ZNF692: variants seen among roughly 807,000 people sequenced by gnomAD.
ZNF692 encodes zinc finger protein 692.
Under a neutral mutation model 49.0 loss-of-function variants are expected in ZNF692, and 41 were observed. The ratio of observed to expected loss-of-function variants is 0.84; its 90% CI spans 0.65 to 1.08. ZNF692 has a LOEUF of 1.08. Among genes scored for constraint, ZNF692 ranks in the 50% least tolerant of loss-of-function variants. The pLI is 0.00. For synonymous variants in ZNF692, 288 were observed against 251.5 expected (o/e 1.15, Z -1.37); for missense variants, 662 against 662.2 (o/e 1.00, Z 0.00).
At chr1:248,855,133 C>G (rs1004296682) in intron 9 of ZNF692, among the ~76,000 whole-genome samples, 3 of 152,198 alleles carry the variant, frequency 2.0e-5, no homozygotes, top group Non-Finnish European at 4.4e-5. Flanking sequence ...GGCTCAGAAC[C>G]CTAGCACTAA....
intron 10 of ZNF692, among the ~76,000 whole-genome samples, chr1:248,852,030 C>T (rs1286227203): frequency 1.3e-5 from 2 of 152,152 alleles, no homozygotes; most frequent in African/African-American, 4.8e-5. Flanking sequence ...TGGTTAAAGC[C>T]CAACTCAGGA....
At chr1:248,854,741 T>C (rs1251884382) in intron 9 of ZNF692, among the ~76,000 whole-genome samples, 1 of 152,212 alleles carries the variant, frequency 6.6e-6, no homozygotes, top group Admixed American at 6.5e-5. Flanking sequence ...CAGGGGCTGC[T>C]TTGATCTTCT....
intron 3 of ZNF692, 27 bp downstream of exon 3, chr1:248,857,801 T>G: frequency 6.2e-7 from 1 of 1,612,416 alleles, no homozygotes; most frequent in Non-Finnish European, 8.5e-7. Context: ...TCCCTCTGGC[T>G]CTCACCCCCT....
At chr1:248,855,349 AG>A in intron 9 of ZNF692, 30 bp downstream of exon 9, 1 of 1,611,122 alleles carries the variant, frequency 6.2e-7, no homozygotes, top group Non-Finnish European at 8.5e-7. Flanking sequence ...CCACCCCAGC[AG>A]CCACACAGGC....
intron 10 of ZNF692, among the ~76,000 whole-genome samples, chr1:248,852,530 G>T (rs1387457168): frequency 6.6e-6 from 1 of 152,048 alleles, no homozygotes; most frequent in East Asian, 1.9e-4. Context: ...CCTTCCAGCT[G>T]GGACTCCATT....
At chr1:248,851,063 C>T (rs1244571048) in intron 10 of ZNF692, 1 of 583,534 alleles carries the variant, frequency 1.7e-6, no homozygotes, top group African/African-American at 1.8e-5. Context: ...GATGGAAGTG[C>T]ACCACCCCAC....
chr1:248,851,807 A>T (rs1051908509), intron 10 of ZNF692, among the ~76,000 whole-genome samples: 3 of 152,172 alleles, frequency 2.0e-5, no homozygotes, highest in Admixed American at 6.5e-5. Context: ...GAAAAAAAAG[A>T]AATTGTGATT....
chr1:248,858,074 G>C lies in ZNF692; in HGVS notation c.179+57C>G, dbSNP rs761493932. On this transcript the variant is annotated intron_variant, in intron 2 of 11. Coordinates refer to ENST00000306601, the MANE Select transcript of ZNF692 (RefSeq NM_017865.4). The surrounding 1 kb of genome is among the most constrained non-coding windows in gnomAD (Gnocchi z 4.3). Reference sequence around the variant, plus strand: ...GAGCAGCAGGACAGGCCCTGGAGAGGAGGCTAGGGGCTGCTGCCTGGGTAC... The same window carrying C: ...GAGCAGCAGGACAGGCCCTGGAGAGCAGGCTAGGGGCTGCTGCCTGGGTAC... The C allele has an allele frequency of 1.3e-6, 2 of 1,549,968 alleles. No individual in the cohort carries two copies. Among genetic ancestry groups the C allele is most frequent in the Non-Finnish European group, 1.7e-6 (2 of 1,152,366 alleles).
chr1:248,855,632 A>G lies in ZNF692; in HGVS notation c.885T>C (p.Thr295=), dbSNP rs1209994800. The stretch of plus-strand genomic sequence containing the variant: ...TTGGAGCAGACTGGGCCTGACTCCC[A>G]GTGCTACGGGCAGCAAAGAGGGAGC... The part of the protein sequence containing the change: ...AAQQTEALAS[T]GSQAQSAPTP... Residue 295 remains threonine (T), a synonymous_variant, in exon 8 of 12, where the codon ACT becomes ACC. Coordinates refer to ENST00000306601, the MANE Select transcript of ZNF692 (RefSeq NM_017865.4). 5.6e-6 allele frequency: 9 copies of G among 1,614,058 alleles called. No homozygotes were observed. Among genetic ancestry groups the G allele is most frequent in the Non-Finnish European group, 7.6e-6 (9 of 1,180,038 alleles).
intron 6 of ZNF692, 144 bp from the exon 7 acceptor site, chr1:248,856,090 C>T (rs1396009028): frequency 8.4e-7 from 1 of 1,192,816 alleles, no homozygotes; most frequent in Non-Finnish European, 1.2e-6. Context: ...TATCTGCTTT[C>T]AGCCCTCAAT....
intron 10 of ZNF692, among the ~76,000 whole-genome samples, chr1:248,852,198 T>C (rs1659679075): frequency 6.6e-6 from 1 of 152,164 alleles, no homozygotes; most frequent in South Asian, 2.1e-4. Context: ...TTTCCAACTT[T>C]CTAGAAATAC....
chr1:248,858,598 T>C lies in ZNF692; in HGVS notation c.-12-277A>G, dbSNP rs370660611. On this transcript the variant is annotated intron_variant, in intron 1 of 11. Transcript: ENST00000306601. The surrounding 1 kb of genome is among the most constrained non-coding windows in gnomAD (Gnocchi z 4.3). ...CCTCCAGTCCACTGAAGTGGAGCTG[T>C]GGGGAAGGGGCGAGAGACTTTCACG... 7.8e-6 allele frequency: 12 copies of C among 1,533,080 alleles called. No homozygotes were observed. The East Asian group carries it at 1.5e-4, about 19-fold the overall frequency. The allele number at this position is 1,533,080 out of a possible 1,614,324, so 95.0% of individuals were successfully genotyped here. A position where few individuals can be genotyped will look rare whatever the true frequency, so the allele number is the denominator to read the frequency against.
At chr1:248,851,439 T>C (rs749855121) in intron 10 of ZNF692, among the ~76,000 whole-genome samples, 59 of 152,142 alleles carry the variant, frequency 3.9e-4, no homozygotes, top group South Asian at 2.1e-4. Flanking sequence ...GTGGTTTCTC[T>C]AACCCACCAA....
chr1:248,858,590 T>A lies in ZNF692; in HGVS notation c.-12-269A>T, dbSNP rs778742628. 3.2e-6 allele frequency: 5 copies of A among 1,543,382 alleles called. No homozygotes were observed. Among genetic ancestry groups the A allele is most frequent in the Non-Finnish European group, 4.4e-6 (5 of 1,139,752 alleles). ...GCCTGCGCCCTCCAGTCCACTGAAG[T>A]GGAGCTGTGGGGAAGGGGCGAGAGA... On this transcript the variant is annotated intron_variant, in intron 1 of 11. Coordinates refer to ENST00000306601, the MANE Select transcript of ZNF692 (RefSeq NM_017865.4). The surrounding 1 kb of genome is among the most constrained non-coding windows in gnomAD (Gnocchi z 4.3).
At chr1:248,851,185 C>T (rs1659543276) in intron 10 of ZNF692, among the ~76,000 whole-genome samples, 2 of 152,008 alleles carry the variant, frequency 1.3e-5, no homozygotes, top group Non-Finnish European at 2.9e-5. Flanking sequence ...TTGGAGTCAG[C>T]GATGGGAATT....
intron 9 of ZNF692, 58 bp downstream of exon 9, chr1:248,855,322 T>TC: frequency 1.3e-6 from 2 of 1,560,194 alleles, no homozygotes; most frequent in Non-Finnish European, 1.8e-6. Flanking sequence ...CCTCAGTTTT[T>TC]CTTTTAGCCC....
At position 248,858,524 on chromosome 1, in the gene ZNF692, G is replaced by T; in HGVS notation, c.-12-203C>A. 1 of 1,551,730 alleles carries T rather than the reference G, an allele frequency of 6.4e-7. No homozygotes were observed. Among genetic ancestry groups the T allele is most frequent in the Non-Finnish European group, 8.7e-7 (1 of 1,147,008 alleles). On this transcript the variant is annotated intron_variant, in intron 1 of 11. Coordinates refer to ENST00000306601, the MANE Select transcript of ZNF692 (RefSeq NM_017865.4). This position sits in a 1 kb window ranked among gnomAD's most constrained non-coding sequence, Gnocchi z 4.3. ...AGCTCAGCGCTACCATGTGAGTGTC[G>T]TCGGGTGGGAGGCAGGCAGACAGAA...
intron 6 of ZNF692, 106 bp from the exon 7 acceptor site, chr1:248,856,052 C>A: frequency 7.7e-7 from 1 of 1,299,032 alleles, no homozygotes; most frequent in South Asian, 1.4e-5. Flanking sequence ...TTGAAACAAC[C>A]CTACCCCCAC....
At chr1:248,853,040 A>G (rs1659781997) in intron 10 of ZNF692, among the ~76,000 whole-genome samples, 1 of 152,202 alleles carries the variant, frequency 6.6e-6, no homozygotes. Context: ...CCTTGTTTTC[A>G]GAAAAATCAC....
Sources: allele counts gnomAD v4.1 joint callset (sites outside exome capture counted in the v4.1 genomes callset), GRCh38; gene constraint gnomAD v4.1.1; non-coding constraint Gnocchi (gnomAD v3.1); transcripts MANE v1.5; gene names NCBI Gene and HGNC (gene_info 2026-07-23, HGNC 2026-07-21).